Variants in SGCZ observed in about 807,000 individuals in gnomAD.
SGCZ encodes the protein zeta-sarcoglycan.
In SGCZ, 40 loss-of-function variants were observed where a neutral mutation model predicts 41.3. The observed-to-expected ratio is 0.97, with a 90% CI of 0.75 to 1.26. SGCZ has a LOEUF of 1.26. Ranked by LOEUF, SGCZ falls within the 50% of genes most tolerant of loss-of-function variation. The pLI, the probability that SGCZ is intolerant of heterozygous loss-of-function variation, is 0.00. For synonymous variants in SGCZ, 206 were observed against 137.5 expected, an observed-to-expected ratio of 1.50 and a Z score of -3.49; for missense variants, 552 against 369.8, an observed-to-expected ratio of 1.49 and a Z score of -4.04.
chr8:14,383,279 A>C (rs1160330944), intron 2 of SGCZ, among the ~76,000 whole-genome samples: 1 of 152,268 alleles, frequency 6.6e-6, no homozygotes, highest in Non-Finnish European at 1.5e-5. Flanking sequence ...TTGAAGAAAT[A>C]CTGATAAGAG....
chr8:14,204,141 G>A (rs1805543039), intron 4 of SGCZ, among the ~76,000 whole-genome samples: 2 of 152,026 alleles, frequency 1.3e-5, no homozygotes, highest in Non-Finnish European at 2.9e-5. Flanking sequence ...CAAATTTTTG[G>A]ACCTTTGCCC....
chr8:15,036,901 A>G (rs1229042268), intron 1 of SGCZ, among the ~76,000 whole-genome samples: 1 of 152,206 alleles, frequency 6.6e-6, no homozygotes. Flanking sequence ...ACTATGATCA[A>G]GTAGGGTTTA....
chr8:14,627,751 A>AT (rs5889543), intron 1 of SGCZ, among the ~76,000 whole-genome samples: 50,492 of 150,858 alleles, frequency 0.33, 8,732 homozygotes, highest in East Asian at 0.63. Context: ...GAATTACTTC[A>AT]TTTTTTTTTG....
chr8:14,158,696 G>C (rs1803951870), intron 5 of SGCZ, among the ~76,000 whole-genome samples: 1 of 152,176 alleles, frequency 6.6e-6, no homozygotes, highest in Non-Finnish European at 1.5e-5. Flanking sequence ...ACCAGGCCCT[G>C]AATGATGGCC....
intron 1 of SGCZ, among the ~76,000 whole-genome samples, chr8:14,788,700 T>C (rs2256810): frequency 0.41 from 61,961 of 152,136 alleles, 17,257 homozygotes; most frequent in African/African-American, 0.8. Context: ...AATTATGTTC[T>C]ATGAAATTGT....
chr8:14,524,750 G>A (rs766592761), intron 2 of SGCZ, among the ~76,000 whole-genome samples: 8 of 151,980 alleles, frequency 5.3e-5, no homozygotes, highest in Non-Finnish European at 8.8e-5. Flanking sequence ...CAGGAATAAG[G>A]AAAAGTGCTT....
In SGCZ at chr8:14,551,462, T is replaced by A. The variant is rs1471921961; in HGVS notation, c.234+3270A>T. 4.2e-3 allele frequency among the ~76,000 whole-genome samples: 29 copies of A among 6,848 alleles called. 6 individuals are homozygous for A. The highest frequency in any genetic ancestry group is 0.013 in the African/African-American group (26 of 2,006). 4.5% of individuals were successfully genotyped at this position (6,848 alleles called of 152,430 possible). ...AACTATTTCATATATATATTATATATATTATATATATTATATATTATATAT... is the reference window on the plus strand; with the variant it reads ...AACTATTTCATATATATATTATATAAATTATATATATTATATATTATATAT... On this transcript the variant is annotated intron_variant, in intron 2 of 7. Transcript: ENST00000382080.
At position 14,120,526 on chromosome 8, in the gene SGCZ, A is replaced by C. The variant is rs545137309; in HGVS notation, c.548-12291T>G. 1.2e-4 allele frequency among the ~76,000 whole-genome samples: 18 copies of C among 152,166 alleles called. No homozygotes were observed. The South Asian group carries it at 3.7e-3, about 32-fold the overall frequency. On this transcript the variant is annotated intron_variant, in intron 5 of 7. Transcript: ENST00000382080. ...TGGCTAGAATCACCACTTTAATTCAACTCTATACTATATATAGTTCTTGTC... is the reference window on the plus strand; with the variant it reads ...TGGCTAGAATCACCACTTTAATTCACCTCTATACTATATATAGTTCTTGTC...
At chr8:14,150,086 C>T (rs944069518) in intron 5 of SGCZ, among the ~76,000 whole-genome samples, 20 of 152,064 alleles carry the variant, frequency 1.3e-4, no homozygotes, top group African/African-American at 2.9e-4. Flanking sequence ...AAGAAAACAA[C>T]GAGTAAACTA....
chr8:14,597,623 A>G lies in SGCZ; in HGVS notation c.40-42697T>C, dbSNP rs137943367. Among the ~76,000 whole-genome samples the G allele has an allele frequency of 7.3e-3, 1,114 of 152,176 alleles. 13 individuals are homozygous for G. The highest frequency in any genetic ancestry group is 0.025 in the African/African-American group (1,055 of 41,526). ...CTCTAGAGTAGCTGGGATTACAGGC[A>G]TGTGCCACCATGCCCGGCTAATTTT... On this transcript the variant is annotated intron_variant, in intron 1 of 7. Transcript: ENST00000382080.
chr8:14,098,353 AAAC>A (rs1478242304), intron 7 of SGCZ, among the ~76,000 whole-genome samples: 3 of 152,156 alleles, frequency 2.0e-5, no homozygotes, highest in Non-Finnish European at 4.4e-5. Flanking sequence ...AAAACTAAGC[AAAC>A]AACAACAAAA....
intron 3 of SGCZ, among the ~76,000 whole-genome samples, chr8:14,241,423 CATG>C (rs1798885274): frequency 1.4e-5 from 2 of 148,144 alleles, no homozygotes; most frequent in South Asian, 2.1e-4. Context: ...TTATATATAG[CATG>C]ATAAGCTAGT....
chr8:15,077,668 T>C (rs1323255506), intron 1 of SGCZ, among the ~76,000 whole-genome samples: 1 of 152,204 alleles, frequency 6.6e-6, no homozygotes, highest in Non-Finnish European at 1.5e-5. Context: ...AGATAAAACA[T>C]GAACCTTATC....
At chr8:14,211,685 G>A (rs1299316752) in intron 4 of SGCZ, among the ~76,000 whole-genome samples, 3 of 151,994 alleles carry the variant, frequency 2.0e-5, no homozygotes, top group East Asian at 1.9e-4. Flanking sequence ...AAAGGGAAGT[G>A]CTACACACTT....
At chr8:14,656,087 C>T (rs13249873) in intron 1 of SGCZ, among the ~76,000 whole-genome samples, 112,699 of 151,940 alleles carry the variant, frequency 0.74, 43,696 homozygotes, top group Non-Finnish European at 0.85. Context: ...TTTATATGAA[C>T]GTTGTTTTTA....
chr8:15,165,174 C>G (rs536918176), intron 1 of SGCZ, among the ~76,000 whole-genome samples: 2 of 152,206 alleles, frequency 1.3e-5, no homozygotes, highest in African/African-American at 4.8e-5. Flanking sequence ...CCTGTAATCC[C>G]AGCTACTCAG....
rs997023825 is a variant in SGCZ, at chr8:14,309,514, G to A, written c.336+14589C>T. ...GAGCTAATTGTGATAAGAGAGCAGT[G>A]TGGACTACTGAATGTGAAAACAAAG... On this transcript the variant is annotated intron_variant, in intron 3 of 7. Coordinates refer to ENST00000382080, the MANE Select transcript of SGCZ (RefSeq NM_139167.4). 8.6e-5 allele frequency: 138 copies of A among 1,609,328 alleles called. 1 individual carries two copies. The Admixed American group carries it at 2.3e-3, about 26-fold the overall frequency.
chr8:14,171,510 C>T (rs976106700), intron 4 of SGCZ, among the ~76,000 whole-genome samples: 3 of 151,978 alleles, frequency 2.0e-5, no homozygotes, highest in African/African-American at 7.2e-5. Context: ...ACAAGTTCCA[C>T]ATGAAATTTC....
chr8:14,138,603 C>A (rs1388771747), intron 5 of SGCZ, among the ~76,000 whole-genome samples: 3 of 151,686 alleles, frequency 2.0e-5, no homozygotes, highest in Non-Finnish European at 4.4e-5. Context: ...AAGGGCATTA[C>A]ATAATGGTAA....
Sources: gnomAD v4.1 joint callset for allele counts (sites outside exome capture counted in the v4.1 genomes callset) on GRCh38, gnomAD v4.1.1 for gene constraint, MANE v1.5 for transcripts, NCBI Gene and HGNC (gene_info 2026-07-23, HGNC 2026-07-21) for gene names.